Variants in CXCL13 observed in about 807,000 individuals in gnomAD.
The protein encoded by CXCL13 is C-X-C motif chemokine ligand 13.
In CXCL13, 7 loss-of-function variants were observed where a neutral mutation model predicts 12.2. The observed-to-expected ratio is 0.57, with a 90% confidence interval of 0.33 to 1.07. The LOEUF is 1.07. Ranked by LOEUF, CXCL13 falls within the 50% of genes least tolerant of loss-of-function variation. CXCL13 has a pLI of 0.04. For synonymous variants in CXCL13, 47 were observed against 42.4 expected (o/e 1.11, Z -0.42); for missense variants, 113 against 127.4 (o/e 0.89, Z 0.55).
upstream of CXCL13, among the ~76,000 whole-genome samples, chr4:77,602,459 C>T (rs531034358): frequency 4.9e-3 from 752 of 152,276 alleles, 2 homozygotes; most frequent in Non-Finnish European, 6.7e-3. Context: ...TTAGACCAGG[C>T]CCATGCATTC....
chr4:77,575,317 A>C (rs1726175725), intron 1 of CXCL13, among the ~76,000 whole-genome samples: 1 of 151,920 alleles, frequency 6.6e-6, no homozygotes, highest in Non-Finnish European at 1.5e-5. Context: ...TTATTATAAT[A>C]CTTTAAGTTC....
chr4:77,583,230 AC>A (rs1726379875), intron 1 of CXCL13, among the ~76,000 whole-genome samples: 1 of 152,172 alleles, frequency 6.6e-6, no homozygotes, highest in Non-Finnish European at 1.5e-5. Context: ...GTCCATCTGG[AC>A]CACTTGAATA....
intron 1 of CXCL13, among the ~76,000 whole-genome samples, chr4:77,542,355 T>G (rs1471486917): frequency 6.6e-6 from 1 of 152,202 alleles, no homozygotes; most frequent in South Asian, 2.1e-4. Flanking sequence ...TTGTCATAGA[T>G]GACTCTTATT....
At chr4:77,527,271 A>T (rs1260855915) in intron 1 of CXCL13, among the ~76,000 whole-genome samples, 1 of 152,188 alleles carries the variant, frequency 6.6e-6, no homozygotes, top group South Asian at 2.1e-4. Context: ...CTGAGAAACT[A>T]AACAACTCAT....
chr4:77,572,709 T>A (rs539536515), intron 1 of CXCL13, among the ~76,000 whole-genome samples: 2 of 152,078 alleles, frequency 1.3e-5, no homozygotes, highest in Admixed American at 1.3e-4. Flanking sequence ...AGAGATACCA[T>A]TTGACCCAGC....
intron 1 of CXCL13, among the ~76,000 whole-genome samples, chr4:77,549,097 C>G (rs1168063300): frequency 6.6e-6 from 1 of 152,170 alleles, no homozygotes; most frequent in Non-Finnish European, 1.5e-5. Flanking sequence ...GATCTTCAAT[C>G]ACTGATATCC....
intron 1 of CXCL13, among the ~76,000 whole-genome samples, chr4:77,541,600 T>C (rs1056126129): frequency 7.9e-5 from 12 of 152,218 alleles, no homozygotes; most frequent in African/African-American, 2.9e-4. Context: ...TACCATGTTG[T>C]TTTGGTTACT....
chr4:77,603,035 A>G (rs1368979451), upstream of CXCL13, among the ~76,000 whole-genome samples: 2 of 152,184 alleles, frequency 1.3e-5, no homozygotes, highest in Non-Finnish European at 2.9e-5. Flanking sequence ...TTGTTCTGCA[A>G]TTAGTTCCTT....
chr4:77,542,956 G>A (rs1192720965), intron 1 of CXCL13, among the ~76,000 whole-genome samples: 2 of 151,936 alleles, frequency 1.3e-5, no homozygotes, highest in Non-Finnish European at 2.9e-5. Context: ...TTTCTTTTTA[G>A]GTATGGTAGA....
At chr4:77,539,416 T>C (rs1725148371) in intron 1 of CXCL13, among the ~76,000 whole-genome samples, 1 of 152,200 alleles carries the variant, frequency 6.6e-6, no homozygotes, top group African/African-American at 2.4e-5. Flanking sequence ...CATGAGCCAC[T>C]GCACCTGGCC....
At chr4:77,539,511 G>T (rs1015188654) in intron 1 of CXCL13, among the ~76,000 whole-genome samples, 2 of 152,234 alleles carry the variant, frequency 1.3e-5, no homozygotes, top group African/African-American at 4.8e-5. Flanking sequence ...CTTCCCTTGG[G>T]GTGGGCTGTC....
chr4:77,557,687 T>C (rs1725692490), intron 1 of CXCL13, among the ~76,000 whole-genome samples: 2 of 152,234 alleles, frequency 1.3e-5, no homozygotes, highest in African/African-American at 4.8e-5. Context: ...GCAGGTCCTG[T>C]TATCAGTAAG....
At position 77,529,453 on chromosome 4, in the gene CXCL13, C is replaced by A. The variant is rs910829264; in HGVS notation, c.-43+17665C>A. Among the ~76,000 whole-genome samples, 3 of 152,154 alleles carry A rather than the reference C, an allele frequency of 2.0e-5. No homozygotes were observed. In the South Asian group the frequency reaches 6.2e-4, roughly 32 times the overall value. ...ATTTGTTTGTATCCTCTTTTATTTC[C>A]TTGAGCAGTGGTTTGTAGTTCTCCT... On this transcript the variant is annotated intron_variant, in intron 1 of 4. Transcript: ENST00000286758.
At chr4:77,598,758 G>A (rs138327980) in intron 1 of CXCL13, among the ~76,000 whole-genome samples, 2 of 151,904 alleles carry the variant, frequency 1.3e-5, no homozygotes, top group East Asian at 3.9e-4. Flanking sequence ...GTGAGGTGTC[G>A]CCCAACTCTA....
intron 1 of CXCL13, among the ~76,000 whole-genome samples, chr4:77,544,300 T>G (rs564359546): frequency 6.6e-6 from 1 of 152,320 alleles, no homozygotes; most frequent in Admixed American, 6.5e-5. Flanking sequence ...TTTCTAGTTC[T>G]AGATTCTTGA....
At chr4:77,527,145 C>G (rs1724787025) in intron 1 of CXCL13, among the ~76,000 whole-genome samples, 1 of 152,026 alleles carries the variant, frequency 6.6e-6, no homozygotes, top group Admixed American at 6.6e-5. Context: ...TGAAAAGATG[C>G]CCAACACCAT....
At chr4:77,532,146 G>T (rs1223968034) in intron 1 of CXCL13, among the ~76,000 whole-genome samples, 3 of 152,126 alleles carry the variant, frequency 2.0e-5, no homozygotes, top group Non-Finnish European at 1.5e-5. Flanking sequence ...TAGCCTCAAT[G>T]GTCTTTACAA....
intron 1 of CXCL13, among the ~76,000 whole-genome samples, chr4:77,573,362 TTGTGTG>T (rs3048191): frequency 0.11 from 15,195 of 134,896 alleles, 817 homozygotes; most frequent in African/African-American, 0.13. Context: ...ATTGGGTCTT[TTGTGTG>T]TGTGTGTGTG....
intron 1 of CXCL13, among the ~76,000 whole-genome samples, chr4:77,577,053 T>G (rs1057241596): frequency 8.5e-5 from 13 of 152,306 alleles, no homozygotes; most frequent in Middle Eastern, 3.4e-3. Flanking sequence ...CATAGATAGC[T>G]TTTATGGGTA....
Sources: gnomAD v4.1 joint callset for allele counts (sites outside exome capture counted in the v4.1 genomes callset) on GRCh38, gnomAD v4.1.1 for gene constraint, MANE v1.5 for transcripts, NCBI Gene and HGNC (gene_info 2026-07-23, HGNC 2026-07-21) for gene names.